Variants in KANK1 observed in about 807,000 individuals in gnomAD.
KANK1 encodes the protein KN motif and ankyrin repeat domains 1, also known as KN motif and ankyrin repeat domain-containing protein 1.
Under a neutral mutation model 106.2 loss-of-function variants are expected in KANK1, and 109 were observed. The ratio of observed to expected loss-of-function variants is 1.03; its 90% CI spans 0.88 to 1.20. KANK1 has a LOEUF of 1.20. Ranked by LOEUF, KANK1 falls within the 50% of genes most tolerant of loss-of-function variation. The pLI is 0.00. For synonymous variants in KANK1, 873 were observed against 652.2 expected, an observed-to-expected ratio of 1.34 and a Z score of -5.16; for missense variants, 2,399 against 1,710.7, an observed-to-expected ratio of 1.40 and a Z score of -7.10.
At chr9:719,533 A>G (rs1828741302) in intron 3 of KANK1, among the ~76,000 whole-genome samples, 2 of 152,192 alleles carry the variant, frequency 1.3e-5, no homozygotes, top group Non-Finnish European at 2.9e-5. Flanking sequence ...ATCAATACAA[A>G]TGTAGATCAG....
intron 3 of KANK1, among the ~76,000 whole-genome samples, chr9:483,225 G>A (rs1016626965): frequency 6.6e-6 from 1 of 152,156 alleles, no homozygotes; most frequent in Non-Finnish European, 1.5e-5. Context: ...ATGGTTTTGG[G>A]CATCCTCTGG....
intron 1 of KANK1, among the ~76,000 whole-genome samples, chr9:513,588 C>G (rs775442659): frequency 6.6e-6 from 1 of 152,132 alleles, no homozygotes; most frequent in South Asian, 2.1e-4. Context: ...GATATAACCT[C>G]TTTTGATATT....
At chr9:709,211 G>A (rs1206932154) in intron 2 of KANK1, among the ~76,000 whole-genome samples, 1 of 152,192 alleles carries the variant, frequency 6.6e-6, no homozygotes, top group Non-Finnish European at 1.5e-5. Flanking sequence ...TTTAAATGAG[G>A]AGAGAAACTG....
intron 1 of KANK1, among the ~76,000 whole-genome samples, chr9:530,814 C>G (rs2060021976): frequency 6.6e-6 from 1 of 151,920 alleles, no homozygotes; most frequent in Admixed American, 6.6e-5. Context: ...TATGATGAAA[C>G]TCTGTCTCTA....
chr9:501,773 C>A (rs112004802), upstream of KANK1, among the ~76,000 whole-genome samples: 475 of 152,220 alleles, frequency 3.1e-3, 3 homozygotes, highest in African/African-American at 0.011. Flanking sequence ...GGTCTCAATC[C>A]AATTCCTGGG....
chr9:649,530 TGTAA>T (rs1840423047), intron 1 of KANK1, among the ~76,000 whole-genome samples: 1 of 152,156 alleles, frequency 6.6e-6, no homozygotes. Context: ...AGCTTACAGA[TGTAA>T]GTAAGTAGTG....
intron 2 of KANK1, among the ~76,000 whole-genome samples, chr9:688,749 C>T (rs922060017): frequency 6.6e-6 from 1 of 152,134 alleles, no homozygotes; most frequent in African/African-American, 2.4e-5. Flanking sequence ...CTGCCATGGC[C>T]TTTCATTGCT....
chr9:679,571 C>G (rs376373580), intron 2 of KANK1, among the ~76,000 whole-genome samples: 1 of 152,118 alleles, frequency 6.6e-6, no homozygotes, highest in African/African-American at 2.4e-5. Context: ...CATGCCATCA[C>G]GCCTGGCCAA....
At chr9:579,591 G>A (rs545433613) in intron 1 of KANK1, among the ~76,000 whole-genome samples, 49 of 152,212 alleles carry the variant, frequency 3.2e-4, no homozygotes, top group Non-Finnish European at 5.6e-4. Context: ...TAGGGGAGAA[G>A]CATCTTCTCA....
At chr9:602,291 C>T (rs1043455441) in intron 1 of KANK1, among the ~76,000 whole-genome samples, 4 of 151,786 alleles carry the variant, frequency 2.6e-5, no homozygotes, top group Admixed American at 6.5e-5. Flanking sequence ...GACGGAGTCT[C>T]GCTCTGTTGC....
intron 1 of KANK1, among the ~76,000 whole-genome samples, chr9:534,930 G>T (rs550207016): frequency 6.8e-4 from 103 of 152,294 alleles, no homozygotes; most frequent in African/African-American, 2.5e-3. Flanking sequence ...ATGGGTGGAG[G>T]TTGGGCCGAG....
intron 1 of KANK1, among the ~76,000 whole-genome samples, chr9:650,610 G>T (rs1480342661): frequency 6.6e-6 from 1 of 152,126 alleles, no homozygotes; most frequent in Non-Finnish European, 1.5e-5. Flanking sequence ...TATCCCTGTT[G>T]TGAAATATGC....
intron 1 of KANK1, among the ~76,000 whole-genome samples, chr9:542,013 C>T (rs1043616141): frequency 2.0e-5 from 3 of 151,238 alleles, no homozygotes; most frequent in South Asian, 2.1e-4. Context: ...GGCGTGAACC[C>T]GGGAGGCGGA....
intron 1 of KANK1, among the ~76,000 whole-genome samples, chr9:518,599 C>T (rs2059404349): frequency 1.3e-5 from 2 of 151,570 alleles, no homozygotes; most frequent in Non-Finnish European, 2.9e-5. Flanking sequence ...ATTGTCATTC[C>T]GTGGTGTTTA....
chr9:508,796 G>A (rs1430644904), intron 1 of KANK1, among the ~76,000 whole-genome samples: 1 of 146,226 alleles, frequency 6.8e-6, no homozygotes, highest in Non-Finnish European at 1.5e-5. Flanking sequence ...TAGGTTTGAG[G>A]GGCATTTACA....
At chr9:575,493 C>A (rs981219075) in intron 1 of KANK1, among the ~76,000 whole-genome samples, 2 of 139,004 alleles carry the variant, frequency 1.4e-5, no homozygotes, top group East Asian at 2.1e-4. Context: ...CATAGCAAGA[C>A]CCTGTCTCTA....
intron 1 of KANK1, among the ~76,000 whole-genome samples, chr9:596,485 G>T (rs1004297576): frequency 6.6e-6 from 1 of 151,746 alleles, no homozygotes; most frequent in Non-Finnish European, 1.5e-5. Flanking sequence ...TCTGGCAATG[G>T]ATCATTTTGC....
chr9:571,683 G>C (rs566303773), intron 1 of KANK1, among the ~76,000 whole-genome samples: 1 of 152,260 alleles, frequency 6.6e-6, no homozygotes, highest in Admixed American at 6.5e-5. Context: ...TTAACAGTTT[G>C]GCTTTTTTGA....
chr9:721,800 C>T (rs1392971712), intron 3 of KANK1, among the ~76,000 whole-genome samples: 1 of 152,204 alleles, frequency 6.6e-6, no homozygotes, highest in Non-Finnish European at 1.5e-5. Context: ...ATGTGCTGTA[C>T]TAAAACTGTG....
Sources: allele counts gnomAD v4.1 joint callset (sites outside exome capture counted in the v4.1 genomes callset), GRCh38; gene constraint gnomAD v4.1.1; transcripts MANE v1.5; gene names NCBI Gene and HGNC (gene_info 2026-07-23, HGNC 2026-07-21).